The following PTPRD variants were observed in gnomAD, a reference collection of about 807,000 sequenced individuals.
PTPRD encodes the protein protein tyrosine phosphatase receptor type D.
Under a neutral mutation model 214.5 loss-of-function variants are expected in PTPRD, and 34 were observed. The observed-to-expected ratio is 0.16, with a 90% CI of 0.12 to 0.21. The LOEUF (loss-of-function observed/expected upper bound fraction) is 0.21, where lower values mean the gene tolerates loss of function less well. Among genes scored for constraint, PTPRD ranks in the 10% least tolerant of loss-of-function variants. The pLI, the probability that PTPRD is intolerant of heterozygous loss-of-function variation, is 1.00. For missense variants in PTPRD, 2,545 were observed against 2,398.7 expected (o/e 1.06, Z -1.27); for synonymous variants, 1,128 against 845.7 (o/e 1.33, Z -5.79).
chr9:9,981,639 C>T (rs1013405374), intron 4 of PTPRD, among the ~76,000 whole-genome samples: 1 of 152,036 alleles, frequency 6.6e-6, no homozygotes, highest in African/African-American at 2.4e-5. Context: ...GGATTACAGG[C>T]GTGAGCCACT....
intron 11 of PTPRD, among the ~76,000 whole-genome samples, chr9:8,895,609 T>C (rs1374177789): frequency 1.3e-5 from 2 of 152,192 alleles, no homozygotes; most frequent in Admixed American, 6.5e-5. Flanking sequence ...CTCCCCGATA[T>C]GTGTGCAATT....
chr9:10,234,229 T>TA (rs1157258028), intron 3 of PTPRD, among the ~76,000 whole-genome samples: 1 of 151,566 alleles, frequency 6.6e-6, no homozygotes, highest in Admixed American at 6.6e-5. Context: ...AAATAATTAA[T>TA]AAAAAATAAA....
chr9:8,612,137 C>T (rs1458930142), intron 14 of PTPRD, among the ~76,000 whole-genome samples: 1 of 151,444 alleles, frequency 6.6e-6, no homozygotes, highest in African/African-American at 2.4e-5. Context: ...CAAAACAAAA[C>T]AAAAGGAAAG....
chr9:8,444,206 C>G (rs1161706282), intron 34 of PTPRD, among the ~76,000 whole-genome samples: 1 of 152,050 alleles, frequency 6.6e-6, no homozygotes, highest in East Asian at 1.9e-4. Flanking sequence ...AATAACCTAG[C>G]CTCCATTAAT....
At chr9:8,764,672 G>A (rs539456499) in intron 11 of PTPRD, among the ~76,000 whole-genome samples, 9 of 152,062 alleles carry the variant, frequency 5.9e-5, no homozygotes, top group African/African-American at 2.2e-4. Flanking sequence ...GTGCGTGCCT[G>A]TAATCCCATC....
chr9:8,885,686 G>T (rs1052725836), intron 11 of PTPRD, among the ~76,000 whole-genome samples: 3 of 151,674 alleles, frequency 2.0e-5, no homozygotes, highest in African/African-American at 7.3e-5. Context: ...TAGTAGAGAT[G>T]GGGTTTCACC....
intron 3 of PTPRD, among the ~76,000 whole-genome samples, chr9:10,141,781 C>A (rs1318039512): frequency 2.0e-5 from 3 of 152,040 alleles, no homozygotes; most frequent in Non-Finnish European, 4.4e-5. Flanking sequence ...CAAAAAAGAG[C>A]CCGCATTGCC....
intron 5 of PTPRD, among the ~76,000 whole-genome samples, chr9:9,774,908 T>G (rs1368366587): frequency 6.6e-6 from 1 of 152,210 alleles, no homozygotes; most frequent in East Asian, 1.9e-4. Context: ...AAAACAATCA[T>G]AAGCTACAGC....
chr9:8,756,056 T>C (rs2093965107), intron 11 of PTPRD, among the ~76,000 whole-genome samples: 1 of 152,186 alleles, frequency 6.6e-6, no homozygotes, highest in Non-Finnish European at 1.5e-5. Context: ...GAGGAAAAGA[T>C]AATGAAACTT....
intron 3 of PTPRD, among the ~76,000 whole-genome samples, chr9:10,323,571 A>G (rs1230862839): frequency 6.6e-6 from 1 of 151,474 alleles, no homozygotes; most frequent in African/African-American, 2.4e-5. Flanking sequence ...CTCCCAAAGT[A>G]ACTGCAACTC....
chr9:10,331,764 T>C (rs2096754720), intron 3 of PTPRD, among the ~76,000 whole-genome samples: 1 of 151,880 alleles, frequency 6.6e-6, no homozygotes. Context: ...ATTTACTGTG[T>C]CCTTACTTAT....
intron 3 of PTPRD, among the ~76,000 whole-genome samples, chr9:10,123,490 A>C (rs994502106): frequency 1.3e-5 from 2 of 152,106 alleles, no homozygotes; most frequent in Non-Finnish European, 2.9e-5. Context: ...TTGGAAGTTG[A>C]CCCTAGATTT....
chr9:9,130,382 A>T, intron 10 of PTPRD, among the ~76,000 whole-genome samples: 1 of 152,164 alleles, frequency 6.6e-6, no homozygotes, highest in East Asian at 1.9e-4. Flanking sequence ...TGGAATTCCA[A>T]GTCACGTAAA....
intron 3 of PTPRD, among the ~76,000 whole-genome samples, chr9:10,100,317 T>C (rs765079044): frequency 6.6e-6 from 1 of 151,678 alleles, no homozygotes; most frequent in Non-Finnish European, 1.5e-5. Context: ...TTATCCTCAA[T>C]CTATAGAGAA....
chr9:10,476,965 A>C (rs1267667308), intron 2 of PTPRD, among the ~76,000 whole-genome samples: 2 of 152,104 alleles, frequency 1.3e-5, no homozygotes. Flanking sequence ...CCCCTTACTT[A>C]GACGTTATAG....
intron 2 of PTPRD, among the ~76,000 whole-genome samples, chr9:10,451,176 CA>C (rs1198161156): frequency 6.6e-6 from 1 of 151,844 alleles, no homozygotes; most frequent in African/African-American, 2.4e-5. Context: ...CCTCAAGTGG[CA>C]AAATATACAC....
At chr9:10,365,089 C>G (rs922228013) in intron 2 of PTPRD, among the ~76,000 whole-genome samples, 1 of 152,084 alleles carries the variant, frequency 6.6e-6, no homozygotes, top group African/African-American at 2.4e-5. Context: ...TTACCTCAGG[C>G]GAGACTACAT....
chr9:9,513,501 T>G (rs1049765466), intron 8 of PTPRD, among the ~76,000 whole-genome samples: 56 of 151,862 alleles, frequency 3.7e-4, no homozygotes, highest in Non-Finnish European at 7.2e-4. Flanking sequence ...ATTAACATTT[T>G]GCTTTTTCTT....
intron 26 of PTPRD, 36 bp downstream of exon 26, chr9:8,497,206 A>C: frequency 6.5e-7 from 1 of 1,549,892 alleles, no homozygotes; most frequent in Non-Finnish European, 8.8e-7. Flanking sequence ...AAGCATATAT[A>C]GTCTGCTTTT....
Sources: gnomAD v4.1 joint callset for allele counts (sites outside exome capture counted in the v4.1 genomes callset) on GRCh38, gnomAD v4.1.1 for gene constraint, MANE v1.5 for transcripts, NCBI Gene and HGNC (gene_info 2026-07-23, HGNC 2026-07-21) for gene names.